The following EIF2AK1 variants were observed in gnomAD, a reference collection of about 807,000 sequenced individuals.
The protein encoded by EIF2AK1 is eukaryotic translation initiation factor 2 alpha kinase 1, also known as eukaryotic translation initiation factor 2-alpha kinase 1.
In EIF2AK1, 54 loss-of-function variants were observed where a neutral mutation model predicts 77.9. The observed-to-expected ratio is 0.69, with a 90% CI of 0.56 to 0.87. The LOEUF is 0.87. Among genes scored for constraint, EIF2AK1 ranks in the 40% least tolerant of loss-of-function variants. EIF2AK1 has a pLI of 0.00. For missense variants in EIF2AK1, 810 were observed against 768.6 expected, an observed-to-expected ratio of 1.05 and a Z score of -0.64; for synonymous variants, 314 against 290.5, an observed-to-expected ratio of 1.08 and a Z score of -0.82.
At chr7:6,045,580 G>A (rs983636642) in intron 6 of EIF2AK1, among the ~76,000 whole-genome samples, 5 of 151,948 alleles carry the variant, frequency 3.3e-5, no homozygotes, top group African/African-American at 1.2e-4. Context: ...TTTCAGGGCA[G>A]GTGACAGAAG....
chr7:6,035,485 A>C lies in EIF2AK1; in HGVS notation c.1332+1939T>G, dbSNP rs1583482913. On this transcript the variant is annotated intron_variant, in intron 11 of 14. Coordinates refer to ENST00000199389, the MANE Select transcript of EIF2AK1 (RefSeq NM_014413.4). This position sits in a 1 kb window ranked among gnomAD's most constrained non-coding sequence, Gnocchi z 5.5. The stretch of plus-strand genomic sequence containing the variant: ...ACCACACTCAACTTAATGCTACTGC[A>C]CTGGCCAGTCACTTCCACCACGTGG... 6.4e-7 allele frequency: 1 copy of C among 1,550,936 alleles called. No homozygotes were observed. The highest frequency in any genetic ancestry group is 8.7e-7 in the Non-Finnish European group (1 of 1,147,092).
chr7:6,041,290 G>C, intron 8 of EIF2AK1, 71 bp from the exon 9 acceptor site: 9 of 1,472,090 alleles, frequency 6.1e-6, no homozygotes, highest in Non-Finnish European at 8.2e-6. Context: ...TGTAATCCCA[G>C]CACTTTGGGA....
intron 2 of EIF2AK1, among the ~76,000 whole-genome samples, chr7:6,052,836 C>T (rs1365605304): frequency 1.3e-5 from 2 of 151,698 alleles, no homozygotes; most frequent in South Asian, 2.1e-4. Context: ...CATGGTGGCA[C>T]GTGCCTACCC....
chr7:6,041,313 C>T, intron 8 of EIF2AK1, 94 bp from the exon 9 acceptor site: 1 of 1,305,996 alleles, frequency 7.7e-7, no homozygotes, highest in Non-Finnish European at 1.0e-6. Flanking sequence ...CTGAGGCGGG[C>T]AGATCACTTA....
chr7:6,025,630 G>A (rs1422237930), intron 14 of EIF2AK1, among the ~76,000 whole-genome samples: 2 of 152,214 alleles, frequency 1.3e-5, no homozygotes, highest in African/African-American at 4.8e-5. Context: ...ACTATTCACT[G>A]AAACAGGGTT....
At chr7:6,039,084 A>G (rs1411770820) in intron 9 of EIF2AK1, among the ~76,000 whole-genome samples, 1 of 152,138 alleles carries the variant, frequency 6.6e-6, no homozygotes, top group African/African-American at 2.4e-5. Context: ...ACTACTCTAT[A>G]TATTTCTACA....
intron 1 of EIF2AK1, among the ~76,000 whole-genome samples, 183 bp from the exon 2 acceptor site, chr7:6,054,887 T>C (rs568449638): frequency 6.6e-6 from 1 of 152,140 alleles, no homozygotes; most frequent in African/African-American, 2.4e-5. Flanking sequence ...TGGAGCTGAA[T>C]CCTGGAAGCT....
At chr7:6,029,281 C>G (rs1039455584) in intron 11 of EIF2AK1, among the ~76,000 whole-genome samples, 6 of 152,052 alleles carry the variant, frequency 3.9e-5, no homozygotes, top group Admixed American at 1.3e-4. Context: ...AGGCGGATCA[C>G]CTGAGGTCAG....
intron 12 of EIF2AK1, 98 bp downstream of exon 12, chr7:6,028,820 C>A: frequency 1.4e-6 from 2 of 1,395,592 alleles, no homozygotes; most frequent in Non-Finnish European, 2.0e-6. Flanking sequence ...CTTTATCTTA[C>A]CTTTGCTATT....
rs1426379564 is a variant in EIF2AK1, at chr7:6,046,820, TG to T, written c.549+171del. ...GGGAGGCTGAGGCAGAAGAATCGCTTGAACCAGGGAGTCAGAGGTTGCAGTG... is the reference window on the plus strand; with the variant it reads ...GGGAGGCTGAGGCAGAAGAATCGCTTAACCAGGGAGTCAGAGGTTGCAGTG... On this transcript the variant is annotated intron_variant, in intron 5 of 14. Transcript: ENST00000199389. The T allele has an allele frequency of 5.7e-6, 3 of 526,450 alleles. No individual in the cohort carries two copies. The African/African-American group carries it at 5.9e-5, about 10-fold the overall frequency. 32.6% of individuals were successfully genotyped at this position (526,450 alleles called of 1,614,324 possible).
Position 6,035,949 on chromosome 7 carries a change from C to G in EIF2AK1, c.1332+1475G>C. 1 of 1,548,754 alleles carries G rather than the reference C, an allele frequency of 6.5e-7. No individual in the cohort carries two copies. Among genetic ancestry groups the G allele is most frequent in the Non-Finnish European group, 8.7e-7 (1 of 1,145,716 alleles). On this transcript the variant is annotated intron_variant, in intron 11 of 14. Transcript: ENST00000199389. The surrounding 1 kb of genome is among the most constrained non-coding windows in gnomAD (Gnocchi z 5.5). ...CACTCACGGAGCCAAAGTCAACGCCCAGGACTACAAGGGCCAAACAGCCAT... is the reference window on the plus strand; with the variant it reads ...CACTCACGGAGCCAAAGTCAACGCCGAGGACTACAAGGGCCAAACAGCCAT...
At chr7:6,037,089 G>T (rs1040878357) in intron 11 of EIF2AK1, among the ~76,000 whole-genome samples, 1 of 151,942 alleles carries the variant, frequency 6.6e-6, no homozygotes, top group Middle Eastern at 3.2e-3. Flanking sequence ...AAATTAGCTG[G>T]GCATGGTAGC....
At chr7:6,055,912 G>C (rs1055338946) in intron 1 of EIF2AK1, among the ~76,000 whole-genome samples, 1 of 149,140 alleles carries the variant, frequency 6.7e-6, no homozygotes, top group Non-Finnish European at 1.5e-5. Flanking sequence ...AAACCCAGGA[G>C]GCAGAGGTTG....
chr7:6,029,862 A>G (rs1787854356), intron 11 of EIF2AK1, among the ~76,000 whole-genome samples: 1 of 152,080 alleles, frequency 6.6e-6, no homozygotes, highest in Non-Finnish European at 1.5e-5. Flanking sequence ...GCATGCCTGT[A>G]ATCCCAGCTA....
At chr7:6,050,354 C>T (rs1788572743) in intron 2 of EIF2AK1, among the ~76,000 whole-genome samples, 1 of 152,120 alleles carries the variant, frequency 6.6e-6, no homozygotes, top group Non-Finnish European at 1.5e-5. Flanking sequence ...GCCACCATGC[C>T]CAGCTAATTT....
chr7:6,024,824 A>G, intron 14 of EIF2AK1, 23 bp from the exon 15 acceptor site: 1 of 1,440,340 alleles, frequency 6.9e-7, no homozygotes, highest in Non-Finnish European at 9.2e-7. Context: ...AATATTTTAA[A>G]CTCCATTAAA....
intron 1 of EIF2AK1, chr7:6,058,180 C>T (rs538952245): frequency 2.2e-6 from 1 of 454,936 alleles, no homozygotes; most frequent in African/African-American, 2.0e-5. Context: ...AAGGCCGAGG[C>T]GGGAGAATCG....
In EIF2AK1 at chr7:6,047,025, G is replaced by A. The variant is rs2128890583; in HGVS notation, c.516C>T (p.Ile172=). 1.2e-6 allele frequency: 2 copies of A among 1,613,566 alleles called. No homozygotes were observed. The highest frequency in any genetic ancestry group is 1.7e-6 in the Non-Finnish European group (2 of 1,179,996). Residue 172 remains isoleucine (I), a synonymous_variant, in exon 5 of 15, where the codon ATC becomes ATT. Transcript: ENST00000199389. ...CTCTTCCGTATCCACCTTTTCCTAA[G>A]ATGGCAAGTTCTTCAAATTCATTTA... ...RYLNEFEELA[I]LGKGGYGRVY...
rs1788093203 is a variant in EIF2AK1 at position 6,036,335 on chromosome 7, G to A, written c.1332+1089C>T. Reference sequence around the variant, plus strand: ...AGCACTTGAAGCAATTCCTCCCAGTGACAATATGGAATTCTGTCTACTGCT... The same window carrying A: ...AGCACTTGAAGCAATTCCTCCCAGTAACAATATGGAATTCTGTCTACTGCT... On this transcript the variant is annotated intron_variant, in intron 11 of 14. Transcript: ENST00000199389. This position sits in a 1 kb window ranked among gnomAD's most constrained non-coding sequence, Gnocchi z 4.6. 6.5e-7 allele frequency: 1 copy of A among 1,536,648 alleles called. No individual in the cohort carries two copies. Among genetic ancestry groups the A allele is most frequent in the Non-Finnish European group, 8.8e-7 (1 of 1,142,256 alleles).
Sources: allele counts gnomAD v4.1 joint callset (sites outside exome capture counted in the v4.1 genomes callset), GRCh38; gene constraint gnomAD v4.1.1; non-coding constraint Gnocchi (gnomAD v3.1); transcripts MANE v1.5; gene names NCBI Gene and HGNC (gene_info 2026-07-23, HGNC 2026-07-21).